Variants in NCAPD3 observed in about 807,000 individuals in gnomAD.
NCAPD3 encodes the protein non-SMC condensin II complex subunit D3, also known as condensin-2 complex subunit D3.
NCAPD3 carries 105 observed loss-of-function variants against 182.9 expected under a neutral mutation model. The observed-to-expected ratio is 0.57, with a 90% CI of 0.49 to 0.68. The LOEUF (loss-of-function observed/expected upper bound fraction) is 0.68. NCAPD3 is among the 30% of genes least tolerant of loss of function. The pLI is 0.00. For missense variants in NCAPD3, 1,944 were observed against 1,837.0 expected, an observed-to-expected ratio of 1.06 and a Z score of -1.07; for synonymous variants, 815 against 679.9, an observed-to-expected ratio of 1.20 and a Z score of -3.09.
intron 8 of NCAPD3, among the ~76,000 whole-genome samples, chr11:134,205,934 T>C (rs542490874): frequency 8.5e-5 from 13 of 152,274 alleles, no homozygotes; most frequent in African/African-American, 3.1e-4. Flanking sequence ...ACCCAAGGCA[T>C]GCACACACTT....
chr11:134,224,908 G>T, upstream of NCAPD3: 1 of 209,816 alleles, frequency 4.8e-6, no homozygotes, highest in Non-Finnish European at 9.2e-6. Flanking sequence ...GGGCGCCGCA[G>T]CCCGCAGCCG....
chr11:134,168,321 G>A, intron 26 of NCAPD3, 126 bp from the exon 27 acceptor site: 3 of 1,470,328 alleles, frequency 2.0e-6, no homozygotes, highest in Non-Finnish European at 2.8e-6. Flanking sequence ...TGTTTTGTCT[G>A]GGGCACAGCT....
chr11:134,158,209 CG>C, intron 30 of NCAPD3, 119 bp downstream of exon 30: 2 of 1,523,008 alleles, frequency 1.3e-6, no homozygotes, highest in Non-Finnish European at 1.8e-6. Context: ...CAGTGTGGAG[CG>C]GGGTGGCAGG....
chr11:134,165,857 G>T (rs1247212328), intron 27 of NCAPD3, among the ~76,000 whole-genome samples: 1 of 139,130 alleles, frequency 7.2e-6, no homozygotes, highest in Non-Finnish European at 1.5e-5. Flanking sequence ...GATGAGCTTA[G>T]GGGAGCTGCA....
At chr11:134,223,631 G>C (rs1296311814) in intron 1 of NCAPD3, 2 of 653,846 alleles carry the variant, frequency 3.1e-6, no homozygotes, top group South Asian at 3.4e-5. Context: ...GGCGCTAGAA[G>C]AGACTGGCCA....
At chr11:134,183,267 C>A (rs559838446) in intron 19 of NCAPD3, 1 of 420,486 alleles carries the variant, frequency 2.4e-6, no homozygotes, top group Non-Finnish European at 4.7e-6. Context: ...TAGTCTGTAA[C>A]GTTAATTCCT....
Position 134,168,508 on chromosome 11 carries a change from G to C in NCAPD3, c.3334C>G (p.Arg1112Gly). The C allele has an allele frequency of 6.2e-7, 1 of 1,614,120 alleles. No homozygotes were observed. The highest frequency in any genetic ancestry group is 8.5e-7 in the Non-Finnish European group (1 of 1,180,018). The stretch of plus-strand genomic sequence containing the variant: ...CAGATTTTGGAAGTGATGTTGAATC[G>C]CTGTTCATCTGTGAAGTGCTCTAGA... Reference protein sequence around the residue: ...FLLEHFTDEQRFNITSKICLS... With the variant: ...FLLEHFTDEQGFNITSKICLS... Residue 1112 changes from arginine to glycine, a missense_variant, in exon 26 of 35, where the codon CGA becomes GGA. This residue lies in a region of NCAPD3 where 1,803 missense variants were observed against 1,674.6 expected (regional missense o/e 1.08). Transcript: ENST00000534548.
intron 13 of NCAPD3, among the ~76,000 whole-genome samples, chr11:134,202,211 G>A (rs1261245652): frequency 6.6e-6 from 1 of 152,118 alleles, no homozygotes; most frequent in Non-Finnish European, 1.5e-5. Context: ...TCTCTTATCT[G>A]TGTCTCTCTC....
rs183834561 is a variant in NCAPD3 at position 134,195,793 on chromosome 11, A to G, written c.1616-1055T>C. Among the ~76,000 whole-genome samples, 7 of 152,232 alleles carry G rather than the reference A, an allele frequency of 4.6e-5. 1 individual carries two copies. In the East Asian group the frequency reaches 1.4e-3, roughly 29 times the overall value. On this transcript the variant is annotated intron_variant, in intron 13 of 34. Coordinates refer to ENST00000534548, the MANE Select transcript of NCAPD3 (RefSeq NM_015261.3). ...CTTAATATAAGCCAGCTTATCTCTC[A>G]TCTGGCTTATATTAAACAGGATTCT...
intron 32 of NCAPD3, 198 bp downstream of exon 32, chr11:134,156,820 T>C: frequency 2.1e-6 from 1 of 484,448 alleles, no homozygotes; most frequent in Non-Finnish European, 3.7e-6. Flanking sequence ...GTAACGACAC[T>C]GGAACAACAT....
intron 8 of NCAPD3, among the ~76,000 whole-genome samples, chr11:134,206,224 A>C (rs1414431589): frequency 6.6e-6 from 1 of 152,254 alleles, no homozygotes; most frequent in East Asian, 1.9e-4. Context: ...AAAGAACAAA[A>C]GCAAAGAGCT....
Position 134,177,299 on chromosome 11 carries a change from G to T in NCAPD3, c.2941C>A (p.Pro981Thr). 1 of 1,614,206 alleles carries T rather than the reference G, an allele frequency of 6.2e-7. No homozygotes were observed. The highest frequency in any genetic ancestry group is 8.5e-7 in the Non-Finnish European group (1 of 1,180,038). The change falls in exon 23 of 35, where the codon CCC becomes ACC. Residue 981 changes from proline (P) to threonine (T), a missense_variant. Transcript: ENST00000534548. ...RYTIMVDKYI[P>T]NISMCLKDSD... ...TCCTTCAGACACATGGAGATGTTGG[G>T]AATATACTTGTCCACCATGATGGTG...
chr11:134,220,548 G>C lies in NCAPD3; in HGVS notation c.219+24C>G, dbSNP rs369019804. On this transcript the variant is annotated intron_variant, in intron 2 of 34. Coordinates refer to ENST00000534548, the MANE Select transcript of NCAPD3 (RefSeq NM_015261.3). ...CTTCTACTTCTAACACCAAACTTTGGCTAGTTTGTTTTTATATTTTTACCT... is the reference window on the plus strand; with the variant it reads ...CTTCTACTTCTAACACCAAACTTTGCCTAGTTTGTTTTTATATTTTTACCT... 5 of 1,593,332 alleles carry C rather than the reference G, an allele frequency of 3.1e-6. No homozygotes were observed. In the African/African-American group the frequency reaches 6.7e-5, roughly 21 times the overall value.
chr11:134,211,602 G>A (rs888886014), intron 3 of NCAPD3, among the ~76,000 whole-genome samples: 28 of 151,934 alleles, frequency 1.8e-4, no homozygotes, highest in African/African-American at 6.8e-4. Flanking sequence ...AATAAAAACA[G>A]CCCAGGAAAT....
intron 6 of NCAPD3, 31 bp downstream of exon 6, chr11:134,209,114 A>C: frequency 2.5e-6 from 4 of 1,602,276 alleles, no homozygotes; most frequent in Non-Finnish European, 3.4e-6. Context: ...ACTATACTTA[A>C]ATTGTAGCAC....
In NCAPD3 at chr11:134,223,907, A is replaced by G; in HGVS notation, c.20T>C (p.Leu7Pro). The G allele has an allele frequency of 1.2e-6, 2 of 1,612,702 alleles. No homozygotes were observed. Among genetic ancestry groups the G allele is most frequent in the Non-Finnish European group, 1.7e-6 (2 of 1,179,826 alleles). The change falls in exon 1 of 35, where the codon CTT becomes CCT. Residue 7 changes from leucine (L) to proline (P), a missense_variant. Transcript: ENST00000534548. Reference protein sequence around the residue: MVALRGLGSGLQPWCPL... With the variant: MVALRGPGSGLQPWCPL... ...ACACCAGGGCTGCAGGCCGCTACCA[A>G]GGCCCCGCAACGCCACCATGATCCC...
intron 19 of NCAPD3, among the ~76,000 whole-genome samples, 187 bp from the exon 20 acceptor site, chr11:134,181,371 G>C (rs999211562): frequency 4.6e-5 from 7 of 152,140 alleles, no homozygotes; most frequent in Non-Finnish European, 8.8e-5. Flanking sequence ...CTAGCCATGA[G>C]TACTGGCTAA....
chr11:134,225,197 C>A, upstream of NCAPD3: 21 of 1,614,148 alleles, frequency 1.3e-5, no homozygotes, highest in Middle Eastern at 1.6e-4. Flanking sequence ...GGAAGCGGGC[C>A]GAGCACAAGA....
intron 31 of NCAPD3, 108 bp downstream of exon 31, chr11:134,157,820 G>C (rs1218841850): frequency 4.1e-6 from 5 of 1,233,734 alleles, no homozygotes; most frequent in Non-Finnish European, 5.6e-6. Context: ...AACGTTATTT[G>C]TTTTAAAGAT....
Sources: allele counts gnomAD v4.1 joint callset (sites outside exome capture counted in the v4.1 genomes callset), GRCh38; gene constraint gnomAD v4.1.1; regional missense constraint gnomAD v4.1.1; transcripts MANE v1.5; gene names NCBI Gene and HGNC (gene_info 2026-07-23, HGNC 2026-07-21).